Variants in VPS54 observed in about 807,000 individuals in gnomAD.
VPS54 encodes the protein VPS54 subunit of GARP complex.
Under a neutral mutation model 121.5 loss-of-function variants are expected in VPS54, and 45 were observed. The observed-to-expected ratio is 0.37, with a 90% CI of 0.29 to 0.47. The LOEUF is 0.47. Ranked by LOEUF, VPS54 falls within the 20% of genes least tolerant of loss-of-function variation. The probability of loss-of-function intolerance (pLI) is 0.99; values close to 1 mark genes in which losing one functional copy is unlikely to be tolerated. For missense variants in VPS54, 1,090 were observed against 1,131.4 expected, an observed-to-expected ratio of 0.96 and a Z score of 0.52; for synonymous variants, 371 against 385.8, an observed-to-expected ratio of 0.96 and a Z score of 0.45.
At chr2:63,935,205 G>C (rs775803527) in intron 11 of VPS54, among the ~76,000 whole-genome samples, 1 of 152,054 alleles carries the variant, frequency 6.6e-6, no homozygotes, top group Non-Finnish European at 1.5e-5. Flanking sequence ...TTTTTTAGTT[G>C]TATGAGCTAA....
intron 6 of VPS54, among the ~76,000 whole-genome samples, chr2:63,964,103 C>T (rs929952966): frequency 3.3e-5 from 5 of 152,094 alleles, no homozygotes; most frequent in South Asian, 2.1e-4. Flanking sequence ...CTCTTAAAAG[C>T]GAACATGATA....
chr2:63,961,235 CAATT>C (rs1415734779), intron 7 of VPS54, among the ~76,000 whole-genome samples: 1 of 152,132 alleles, frequency 6.6e-6, no homozygotes, highest in Non-Finnish European at 1.5e-5. Context: ...ATGAATCAAT[CAATT>C]GTTCATCTAA....
chr2:63,927,480 C>T (rs1024736428), intron 12 of VPS54, among the ~76,000 whole-genome samples: 2 of 152,174 alleles, frequency 1.3e-5, no homozygotes, highest in African/African-American at 4.8e-5. Flanking sequence ...ACAAAAAGAA[C>T]ATCCACACCA....
At chr2:63,963,534 TCTC>T (rs1352800145) in intron 6 of VPS54, among the ~76,000 whole-genome samples, 1 of 152,136 alleles carries the variant, frequency 6.6e-6, no homozygotes, top group African/African-American at 2.4e-5. Context: ...AACATTTAGG[TCTC>T]ATAAGATTAG....
In VPS54 at chr2:63,912,442, T is replaced by A. The variant is rs745591184; in HGVS notation, c.2545-17A>T. On this transcript the variant is annotated splice_polypyrimidine_tract_variant and intron_variant, in intron 19 of 22. Transcript: ENST00000272322. ...ATGGTAGTCCTGCAATGAGAAATGATAATTGTATTTTTAAGTCCCTGGGAC... is the reference window on the plus strand; with the variant it reads ...ATGGTAGTCCTGCAATGAGAAATGAAAATTGTATTTTTAAGTCCCTGGGAC... The A allele has an allele frequency of 6.2e-7, 1 of 1,611,948 alleles. No individual in the cohort carries two copies. Among genetic ancestry groups the A allele is most frequent in the Non-Finnish European group, 8.5e-7 (1 of 1,178,888 alleles).
rs553906295 is a variant in VPS54, at chr2:63,930,451, A to C, written c.1739+3222T>G. ...CAATAGATGCAGAAAAGGCCTTTGAAAAAATTCAACAGCCTTTCATGCTAA... is the reference window on the plus strand; with the variant it reads ...CAATAGATGCAGAAAAGGCCTTTGACAAAATTCAACAGCCTTTCATGCTAA... On this transcript the variant is annotated intron_variant, in intron 12 of 22. Transcript: ENST00000272322. Among the ~76,000 whole-genome samples, 65 of 152,166 alleles carry C rather than the reference A, an allele frequency of 4.3e-4. No homozygotes were observed. In the South Asian group the frequency reaches 4.8e-3, roughly 11 times the overall value.
At chr2:64,001,577 C>T (rs181806607) in intron 1 of VPS54, among the ~76,000 whole-genome samples, 3 of 152,216 alleles carry the variant, frequency 2.0e-5, no homozygotes, top group Admixed American at 6.5e-5. Context: ...CTTTAGTCAG[C>T]ACAGGATGGA....
At chr2:63,893,803 T>G (rs986848359) in intron 22 of VPS54, among the ~76,000 whole-genome samples, 2 of 152,198 alleles carry the variant, frequency 1.3e-5, no homozygotes, top group African/African-American at 4.8e-5. Context: ...AAATCAGATT[T>G]ATCTTGAAAC....
chr2:63,936,227 AG>A (rs1470914304), intron 11 of VPS54, among the ~76,000 whole-genome samples: 2 of 151,402 alleles, frequency 1.3e-5, no homozygotes, highest in African/African-American at 2.4e-5. Flanking sequence ...CAGGTATTCT[AG>A]GGATTCTTCT....
chr2:63,947,549 G>A, intron 8 of VPS54, 59 bp from the exon 9 acceptor site: 31 of 1,282,672 alleles, frequency 2.4e-5, no homozygotes, highest in Non-Finnish European at 3.3e-5. Flanking sequence ...TTACTTAGAG[G>A]TAGAAATATT....
intron 18 of VPS54, 42 bp downstream of exon 18, chr2:63,913,181 T>C: frequency 1.3e-6 from 2 of 1,534,144 alleles, no homozygotes; most frequent in Non-Finnish European, 1.8e-6. Context: ...GTGACATCAC[T>C]GTTAACACTT....
At position 63,914,227 on chromosome 2, in the gene VPS54, T is replaced by C. The variant is rs1379284501; in HGVS notation, c.2289A>G (p.Pro763=). ...GAGTAAGCATGTCAGTAGTAACAGA[T>C]GGGATGTTATCCACACACTGGCAAT... ...LEYCQCVDNI[P]SVTTDMLTRL... is the part of the protein sequence containing the mutation. Residue 763 remains proline (P), a synonymous_variant, in exon 17 of 23, where the codon CCA becomes CCG. Transcript: ENST00000272322. 5 of 1,613,886 alleles carry C rather than the reference T, an allele frequency of 3.1e-6. No individual in the cohort carries two copies. The highest frequency in any genetic ancestry group is 1.1e-5 in the South Asian group (1 of 91,048).
intron 20 of VPS54, among the ~76,000 whole-genome samples, chr2:63,910,150 C>T (rs1346233891): frequency 1.3e-5 from 2 of 152,118 alleles, no homozygotes; most frequent in African/African-American, 4.8e-5. Flanking sequence ...ACACTGTCTG[C>T]TATTTTGATA....
chr2:64,003,716 C>CA (rs1034601814), intron 1 of VPS54, among the ~76,000 whole-genome samples: 107 of 149,812 alleles, frequency 7.1e-4, no homozygotes, highest in Middle Eastern at 3.4e-3. Flanking sequence ...TCATCCATTC[C>CA]AAAAAAAAAG....
In VPS54 at chr2:63,945,946, C is replaced by G. The variant is rs973170344; in HGVS notation, c.1246-1291G>C. Among the ~76,000 whole-genome samples the G allele has an allele frequency of 3.3e-5, 5 of 152,168 alleles. 1 individual carries two copies. Among genetic ancestry groups the G allele is most frequent in the Admixed American group, 6.5e-5 (1 of 15,276 alleles). On this transcript the variant is annotated intron_variant, in intron 9 of 22. Coordinates refer to ENST00000272322, the MANE Select transcript of VPS54 (RefSeq NM_016516.3). ...AAAATTGTACAAATTATGTTTACAG[C>G]TCAATATTTTTGTACAAATGGAGTA...
chr2:63,953,315 A>G (rs529831794), intron 7 of VPS54, among the ~76,000 whole-genome samples: 37 of 151,822 alleles, frequency 2.4e-4, no homozygotes, highest in Admixed American at 2.0e-3. Flanking sequence ...TGTTTTTAGT[A>G]AAAGACAGGG....
At chr2:63,999,815 A>G (rs1284759338) in intron 1 of VPS54, among the ~76,000 whole-genome samples, 1 of 151,810 alleles carries the variant, frequency 6.6e-6, no homozygotes, top group African/African-American at 2.4e-5. Context: ...GTGTATTTTC[A>G]AAAAGCCTGT....
intron 1 of VPS54, among the ~76,000 whole-genome samples, chr2:64,013,392 G>A (rs1013366604): frequency 1.3e-5 from 2 of 151,942 alleles, no homozygotes; most frequent in African/African-American, 4.8e-5. Context: ...AGTCCAGATT[G>A]GGGGAGACTT....
chr2:64,004,101 C>T (rs1163361670), intron 1 of VPS54, among the ~76,000 whole-genome samples: 1 of 151,440 alleles, frequency 6.6e-6, no homozygotes, highest in Non-Finnish European at 1.5e-5. Context: ...TTTGGGACAA[C>T]TTGAGCATAT....
Sources: allele counts gnomAD v4.1 joint callset (sites outside exome capture counted in the v4.1 genomes callset), GRCh38; gene constraint gnomAD v4.1.1; transcripts MANE v1.5; gene names NCBI Gene and HGNC (gene_info 2026-07-23, HGNC 2026-07-21).